The following NOL10 variants were observed in gnomAD, a reference collection of about 807,000 sequenced individuals.
NOL10 encodes H_NH0074G24.1.
A neutral mutation model predicts 103.5 loss-of-function variants in NOL10; 58 were observed. The observed-to-expected ratio is 0.56, with a 90% CI of 0.45 to 0.70. The LOEUF (loss-of-function observed/expected upper bound fraction) is 0.70. Among genes scored for constraint, NOL10 ranks in the 30% least tolerant of loss-of-function variants. The pLI is 0.00. For missense variants in NOL10, 763 were observed against 807.3 expected (o/e 0.95, Z 0.67); for synonymous variants, 287 against 282.5 (o/e 1.02, Z -0.16).
intron 13 of NOL10, among the ~76,000 whole-genome samples, chr2:10,610,006 A>G (rs1199861231): frequency 6.6e-6 from 1 of 152,172 alleles, no homozygotes; most frequent in African/African-American, 2.4e-5. Flanking sequence ...ACTAAAACTG[A>G]AAGGGTCCTC....
At chr2:10,594,998 A>G (rs1337827886) in intron 17 of NOL10, among the ~76,000 whole-genome samples, 1 of 152,152 alleles carries the variant, frequency 6.6e-6, no homozygotes, top group Non-Finnish European at 1.5e-5. Flanking sequence ...CTCAAAAAAC[A>G]AAAGTACAAC....
rs1285203883 is a variant in NOL10 at position 10,570,816 on chromosome 2, T to C, written c.*1255A>G. On this transcript the variant is annotated 3_prime_UTR_variant, in exon 21 of 21. Coordinates refer to ENST00000381685, the MANE Select transcript of NOL10 (RefSeq NM_024894.4). ...ATAAATGTTTCCTCCAGTAAGTTTA[T>C]GTTTGACTGTACTTAAGAAACAGGA... The C allele has an allele frequency of 6.7e-6, 1 of 150,346 alleles. No individual in the cohort carries two copies. The highest frequency in any genetic ancestry group is 1.5e-5 in the Non-Finnish European group (1 of 67,962). The allele number at this position is 150,346 out of a possible 1,614,324, so 9.3% of individuals were successfully genotyped here.
chr2:10,649,871 G>C (rs915898879), intron 12 of NOL10, among the ~76,000 whole-genome samples: 1 of 152,070 alleles, frequency 6.6e-6, no homozygotes, highest in African/African-American at 2.4e-5. Flanking sequence ...ACTGAAATCT[G>C]AATTTCAGTC....
At chr2:10,613,355 A>G (rs1327575139) in intron 13 of NOL10, among the ~76,000 whole-genome samples, 2 of 152,248 alleles carry the variant, frequency 1.3e-5, no homozygotes, top group Non-Finnish European at 2.9e-5. Context: ...GTTAAGTGCT[A>G]AAGTCAAACA....
intron 17 of NOL10, among the ~76,000 whole-genome samples, chr2:10,594,967 A>T (rs1675592205): frequency 6.6e-6 from 1 of 152,168 alleles, no homozygotes; most frequent in Non-Finnish European, 1.5e-5. Context: ...ACTGTACTCC[A>T]GCCTGGGTAA....
chr2:10,605,114 G>T (rs972603217), intron 14 of NOL10, among the ~76,000 whole-genome samples: 2 of 152,236 alleles, frequency 1.3e-5, no homozygotes, highest in Non-Finnish European at 2.9e-5. Flanking sequence ...AAGGCTTAAA[G>T]AGGCGAAGTG....
At chr2:10,680,040 C>T (rs1209332846) in intron 3 of NOL10, among the ~76,000 whole-genome samples, 7 of 151,790 alleles carry the variant, frequency 4.6e-5, no homozygotes, top group African/African-American at 1.5e-4. Context: ...TTTGGAAGGG[C>T]GAGTTGGGCG....
intron 17 of NOL10, among the ~76,000 whole-genome samples, chr2:10,593,193 CAG>C (rs1675488783): frequency 1.3e-5 from 2 of 151,040 alleles, no homozygotes; most frequent in African/African-American, 2.4e-5. Flanking sequence ...GGCTGGAGTG[CAG>C]TGGTGTGATC....
chr2:10,653,438 C>T (rs926253572), intron 12 of NOL10, among the ~76,000 whole-genome samples: 9 of 152,172 alleles, frequency 5.9e-5, no homozygotes, highest in African/African-American at 2.2e-4. Context: ...CTCAGAATAT[C>T]AGTTACTTCC....
At chr2:10,623,213 G>GC (rs113822101) in intron 13 of NOL10, among the ~76,000 whole-genome samples, 89,879 of 151,532 alleles carry the variant, frequency 0.59, 27,616 homozygotes, top group African/African-American at 0.74. Flanking sequence ...TAAAGCAAAA[G>GC]TAAAATTTTA....
rs940960275 is a variant in NOL10 at position 10,675,525 on chromosome 2, C to T, written c.289+269G>A. ...ATTCTAAAAGAACTACAAACTAACA[C>T]GTGGAAGCATATTCTTGCCCAGCAC... On this transcript the variant is annotated intron_variant, in intron 4 of 20. Transcript: ENST00000381685. 2.6e-4 allele frequency among the ~76,000 whole-genome samples: 39 copies of T among 152,130 alleles called. 1 individual carries two copies. Among genetic ancestry groups the T allele is most frequent in the Admixed American group, 7.9e-4 (12 of 15,278 alleles).
rs760470363 is a variant in NOL10, at chr2:10,671,679, T to C, written c.339A>G (p.Leu113=). 1.3e-6 allele frequency: 2 copies of C among 1,563,386 alleles called. No individual in the cohort carries two copies. The highest frequency in any genetic ancestry group is 1.7e-6 in the Non-Finnish European group (2 of 1,152,208). The change falls in exon 6 of 21, where the codon TTA becomes TTG. Residue 113 remains leucine (L), a synonymous_variant. Coordinates refer to ENST00000381685, the MANE Select transcript of NOL10 (RefSeq NM_024894.4). ...GAAATTCAATGTATCTATCATTATG[T>C]AAGAAGACAATCTGAAAATAAAACA... ...LSDDYSKIVF[L]HNDRYIEFHS...
In NOL10 at chr2:10,596,259, G is replaced by T. The variant is rs1296659955; in HGVS notation, c.1422+4594C>A. On this transcript the variant is annotated intron_variant, in intron 17 of 20. Coordinates refer to ENST00000381685, the MANE Select transcript of NOL10 (RefSeq NM_024894.4). Reference sequence around the variant, plus strand: ...ACAAGTTTTCCACAGATGGTGGTGGGGGGCGGGGGGCGGGCGCGAGGGAGT... The same window carrying T: ...ACAAGTTTTCCACAGATGGTGGTGGTGGGCGGGGGGCGGGCGCGAGGGAGT... 8.0e-5 allele frequency among the ~76,000 whole-genome samples: 11 copies of T among 137,122 alleles called. 1 individual carries two copies. The highest frequency in any genetic ancestry group is 2.4e-4 in the African/African-American group (9 of 37,916). The allele number at this position is 137,122 out of a possible 152,430, so 90.0% of individuals were successfully genotyped here.
chr2:10,572,406 C>A (rs562962534), intron 20 of NOL10, among the ~76,000 whole-genome samples: 2 of 152,200 alleles, frequency 1.3e-5, no homozygotes, highest in South Asian at 2.1e-4. Flanking sequence ...CCAACTTTTA[C>A]CATCAATGCA....
At chr2:10,685,804 T>C (rs569240796) in intron 1 of NOL10, among the ~76,000 whole-genome samples, 2 of 151,812 alleles carry the variant, frequency 1.3e-5, no homozygotes, top group South Asian at 4.2e-4. Flanking sequence ...CCAAGTGCAG[T>C]GGTTCATATC....
In NOL10 at chr2:10,589,722, T is replaced by A; in HGVS notation, c.1452A>T (p.Arg484=). 1 of 1,563,122 alleles carries A rather than the reference T, an allele frequency of 6.4e-7. No homozygotes were observed. The highest frequency in any genetic ancestry group is 1.4e-5 in the African/African-American group (1 of 73,218). Residue 484 remains arginine (R), a synonymous_variant, in exon 18 of 21, where the codon CGA becomes CGT. Transcript: ENST00000381685. ...KSLPNILTDD[R]FKVMFENPDF... ...CAGGGTTCTCAAACATAACTTTAAA[T>A]CGATCATCGGTGAGAATATTAGGAA...
chr2:10,665,959 G>A (rs1680542283), intron 8 of NOL10, among the ~76,000 whole-genome samples: 1 of 152,122 alleles, frequency 6.6e-6, no homozygotes, highest in Admixed American at 6.5e-5. Flanking sequence ...TAATGCTGAG[G>A]TTTGCAGTGT....
intron 9 of NOL10, 103 bp downstream of exon 9, chr2:10,662,856 A>T: frequency 1.1e-6 from 1 of 874,010 alleles, no homozygotes; most frequent in Non-Finnish European, 1.8e-6. Context: ...CATGGAAAGT[A>T]CAATTTCAGA....
chr2:10,656,951 C>CTATTT (rs1679876433), intron 11 of NOL10, among the ~76,000 whole-genome samples: 6 of 152,086 alleles, frequency 3.9e-5, no homozygotes. Flanking sequence ...TTAAAACCAG[C>CTATTT]AATATAGGAT....
Sources: gnomAD v4.1 joint callset for allele counts (sites outside exome capture counted in the v4.1 genomes callset) on GRCh38, gnomAD v4.1.1 for gene constraint, MANE v1.5 for transcripts, NCBI Gene and HGNC (gene_info 2026-07-23, HGNC 2026-07-21) for gene names.